ATP10A: variants seen among roughly 807,000 people sequenced by gnomAD.
ATP10A encodes the protein phospholipid-transporting ATPase VA.
Under a neutral mutation model 147.8 loss-of-function variants are expected in ATP10A, and 111 were observed. The ratio of observed to expected loss-of-function variants is 0.75; its 90% CI spans 0.64 to 0.88. The LOEUF is 0.88. ATP10A is among the 40% of genes least tolerant of loss of function. The probability of loss-of-function intolerance (pLI) is 0.00; values close to 1 mark genes in which losing one functional copy is unlikely to be tolerated. For missense variants in ATP10A, 1,927 were observed against 1,959.0 expected (o/e 0.98, Z 0.31); for synonymous variants, 875 against 841.6 (o/e 1.04, Z -0.69).
At chr15:25,834,404 A>G (rs141319570) in intron 1 of ATP10A, among the ~76,000 whole-genome samples, 239 of 152,354 alleles carry the variant, frequency 1.6e-3, no homozygotes, top group African/African-American at 5.3e-3. Context: ...AACATCATGT[A>G]CTTAACATCA....
chr15:25,831,434 G>A (rs1300278729), intron 1 of ATP10A, among the ~76,000 whole-genome samples: 1 of 152,212 alleles, frequency 6.6e-6, no homozygotes, highest in African/African-American at 2.4e-5. Context: ...ACTGCATTTA[G>A]TCATTCTCTA....
At chr15:25,703,240 C>A (rs569482424) in intron 12 of ATP10A, among the ~76,000 whole-genome samples, 1 of 152,268 alleles carries the variant, frequency 6.6e-6, no homozygotes, top group Non-Finnish European at 1.5e-5. Context: ...TGCCTGTAAT[C>A]CCAGCTGCTC....
intron 3 of ATP10A, among the ~76,000 whole-genome samples, chr15:25,731,228 C>T (rs536528118): frequency 6.6e-6 from 1 of 152,294 alleles, no homozygotes; most frequent in South Asian, 2.1e-4. Context: ...GAATGGTCAC[C>T]AAAGGAGAAC....
chr15:25,752,599 A>G (rs1888212875), intron 2 of ATP10A, among the ~76,000 whole-genome samples: 1 of 152,160 alleles, frequency 6.6e-6, no homozygotes, highest in African/African-American at 2.4e-5. Flanking sequence ...AGATATGTGA[A>G]TCTTCCAACT....
intron 1 of ATP10A, among the ~76,000 whole-genome samples, chr15:25,824,609 T>C (rs35179871): frequency 0.61 from 91,593 of 149,428 alleles, 31,084 homozygotes; most frequent in East Asian, 0.81. Flanking sequence ...ATCCTATGTT[T>C]AGGAAGTCAG....
At chr15:25,710,460 T>A (rs1901340768) in intron 10 of ATP10A, 1 of 152,172 alleles carries the variant, frequency 6.6e-6, no homozygotes, top group African/African-American at 2.4e-5. Context: ...CACCTGACAG[T>A]GGGCTGCACC....
At chr15:25,695,292 T>A in intron 13 of ATP10A, 146 bp from the exon 14 acceptor site, 1 of 748,200 alleles carries the variant, frequency 1.3e-6, no homozygotes. Context: ...CCAGAAACTG[T>A]GAAGTTCAGC....
At chr15:25,707,206 A>G (rs1266019465) in intron 12 of ATP10A, among the ~76,000 whole-genome samples, 1 of 152,220 alleles carries the variant, frequency 6.6e-6, no homozygotes, top group Non-Finnish European at 1.5e-5. Context: ...ATGTAAATAT[A>G]TAGCTATCCC....
Position 25,702,109 on chromosome 15 carries a change from A to T in ATP10A, c.2576-9T>A. The T allele has an allele frequency of 6.2e-7, 1 of 1,608,448 alleles. No homozygotes were observed. The highest frequency in any genetic ancestry group is 1.1e-5 in the South Asian group (1 of 89,934). On this transcript the variant is annotated splice_polypyrimidine_tract_variant and intron_variant, in intron 12 of 20. Transcript: ENST00000555815. ...TTCAATCCCAGTGGCACCTGGTCAA[A>T]TGCACAGCAGTGTGAGCGAACCCGC... is the stretch of plus-strand genomic sequence containing the variant.
At chr15:25,737,876 A>G (rs1887374894) in intron 2 of ATP10A, among the ~76,000 whole-genome samples, 1 of 152,142 alleles carries the variant, frequency 6.6e-6, no homozygotes. Context: ...TCATGCAAGG[A>G]CACAGGGAGA....
chr15:25,718,644 C>G (rs963545468), intron 7 of ATP10A, among the ~76,000 whole-genome samples: 1 of 152,122 alleles, frequency 6.6e-6, no homozygotes, highest in Admixed American at 6.5e-5. Flanking sequence ...AAGGAGCTTT[C>G]TAAGGTCGCA....
chr15:25,718,404 G>A lies in ATP10A; in HGVS notation c.1364-5C>T, dbSNP rs1330290660. 1.9e-6 allele frequency: 3 copies of A among 1,586,370 alleles called. No individual in the cohort carries two copies. The highest frequency in any genetic ancestry group is 1.1e-5 in the South Asian group (1 of 87,988). On this transcript the variant is annotated splice_region_variant and splice_polypyrimidine_tract_variant and intron_variant, in intron 7 of 20. Transcript: ENST00000555815. ...GGTACCTGGCCAGACGCTGCGCTGC[G>A]GGGAGAGGGCGCAGGGTGAGGCATC...
chr15:25,727,294 C>A (rs774408756), intron 3 of ATP10A, 28 bp from the exon 4 acceptor site: 1 of 1,579,372 alleles, frequency 6.3e-7, no homozygotes, highest in Admixed American at 1.7e-5. Context: ...GCACATGTCA[C>A]GTGGTTGCAG....
intron 1 of ATP10A, among the ~76,000 whole-genome samples, chr15:25,786,389 C>T (rs1213682137): frequency 6.6e-6 from 1 of 152,324 alleles, no homozygotes; most frequent in East Asian, 1.9e-4. Flanking sequence ...CAGTAACTTC[C>T]AGTGGCACAT....
At chr15:25,785,012 T>C (rs1277242977) in intron 1 of ATP10A, among the ~76,000 whole-genome samples, 7 of 151,644 alleles carry the variant, frequency 4.6e-5, no homozygotes, top group Non-Finnish European at 7.4e-5. Flanking sequence ...CAGGAGCCCC[T>C]TATGAAGGAA....
intron 2 of ATP10A, among the ~76,000 whole-genome samples, chr15:25,755,719 T>C (rs1337603688): frequency 6.6e-6 from 1 of 152,208 alleles, no homozygotes; most frequent in African/African-American, 2.4e-5. Context: ...AGGAGACTTC[T>C]ACCTAATATG....
chr15:25,801,124 G>T (rs778648186), intron 1 of ATP10A, among the ~76,000 whole-genome samples: 105 of 152,160 alleles, frequency 6.9e-4, no homozygotes, highest in Admixed American at 1.8e-3. Context: ...TGGTTGTGGG[G>T]TCTATGCCCC....
intron 2 of ATP10A, among the ~76,000 whole-genome samples, chr15:25,759,285 A>C (rs1888624832): frequency 6.6e-6 from 1 of 152,242 alleles, no homozygotes; most frequent in Non-Finnish European, 1.5e-5. Context: ...GTAAATTTTT[A>C]TCCTCAGGTA....
intron 2 of ATP10A, among the ~76,000 whole-genome samples, chr15:25,779,465 G>A (rs1889787558): frequency 6.6e-6 from 1 of 152,058 alleles, no homozygotes; most frequent in Admixed American, 6.5e-5. Flanking sequence ...CCTGGCTGAT[G>A]TCAGTGTTAG....
Sources: allele counts gnomAD v4.1 joint callset (sites outside exome capture counted in the v4.1 genomes callset), GRCh38; gene constraint gnomAD v4.1.1; transcripts MANE v1.5; gene names NCBI Gene and HGNC (gene_info 2026-07-23, HGNC 2026-07-21).